Variants in ROBO2 observed in about 807,000 individuals in gnomAD.
The protein encoded by ROBO2 is roundabout homolog 2.
Under a neutral mutation model 160.8 loss-of-function variants are expected in ROBO2, and 53 were observed. That is an observed-to-expected ratio of 0.33 (90% CI 0.26 to 0.41). The LOEUF (loss-of-function observed/expected upper bound fraction) is 0.41. Among genes scored for constraint, ROBO2 ranks in the 10% least tolerant of loss-of-function variants. The pLI is 1.00. For synonymous variants in ROBO2, 664 were observed against 611.7 expected, an observed-to-expected ratio of 1.09 and a Z score of -1.26; for missense variants, 1,577 against 1,722.4, an observed-to-expected ratio of 0.92 and a Z score of 1.49.
intron 24 of ROBO2, among the ~76,000 whole-genome samples, chr3:77,641,426 G>A (rs1360400587): frequency 6.6e-6 from 1 of 152,156 alleles, no homozygotes; most frequent in African/African-American, 2.4e-5. Flanking sequence ...GAGCGGCTTA[G>A]CTGACTGTTA....
At chr3:76,737,149 G>GT (rs1209160237) in intron 2 of ROBO2, among the ~76,000 whole-genome samples, 2 of 151,912 alleles carry the variant, frequency 1.3e-5, no homozygotes, top group African/African-American at 2.4e-5. Context: ...CTAATATAGT[G>GT]TTTTTTTCTC....
chr3:76,237,528 A>G (rs1287870578), intron 2 of ROBO2, among the ~76,000 whole-genome samples: 1 of 152,206 alleles, frequency 6.6e-6, no homozygotes, highest in Non-Finnish European at 1.5e-5. Context: ...CATCCTTTGT[A>G]TCATTGAGAC....
At position 76,219,233 on chromosome 3, in the gene ROBO2, A is replaced by C. The variant is rs186466408; in HGVS notation, c.109+281631A>C. On this transcript the variant is annotated intron_variant, in intron 2 of 26. Transcript: ENST00000487694. Reference sequence around the variant, plus strand: ...AAACCATAAAAACCCTAGAAGAAAAACTAGGCAATACCATTCAGGACATAG... The same window carrying C: ...AAACCATAAAAACCCTAGAAGAAAACCTAGGCAATACCATTCAGGACATAG... Among the ~76,000 whole-genome samples the C allele has an allele frequency of 5.4e-3, 824 of 152,184 alleles. 6 individuals are homozygous for C. The highest frequency in any genetic ancestry group is 0.018 in the African/African-American group (750 of 41,538).
chr3:77,166,121 G>C (rs1217069683), intron 2 of ROBO2, among the ~76,000 whole-genome samples: 2 of 152,058 alleles, frequency 1.3e-5, no homozygotes, highest in African/African-American at 4.8e-5. Context: ...AGCCAGATGT[G>C]GTGGCATGTG....
intron 2 of ROBO2, among the ~76,000 whole-genome samples, chr3:76,714,558 A>G (rs568096534): frequency 1.3e-5 from 2 of 152,152 alleles, no homozygotes; most frequent in Admixed American, 6.5e-5. Context: ...ATATCCAGCT[A>G]TGCTTCCCTT....
chr3:76,024,738 T>G (rs1389468643), intron 2 of ROBO2, among the ~76,000 whole-genome samples: 6 of 151,644 alleles, frequency 4.0e-5, no homozygotes, highest in Admixed American at 3.3e-4. Flanking sequence ...GCATAAAATT[T>G]TGATAGCTCG....
intron 2 of ROBO2, among the ~76,000 whole-genome samples, chr3:77,342,227 C>G (rs576968541): frequency 1.3e-5 from 2 of 152,022 alleles, no homozygotes; most frequent in Non-Finnish European, 2.9e-5. Flanking sequence ...CAGCTGGATG[C>G]TTTATTAGGT....
At chr3:76,195,254 A>C (rs1328768767) in intron 2 of ROBO2, among the ~76,000 whole-genome samples, 1 of 152,178 alleles carries the variant, frequency 6.6e-6, no homozygotes, top group Non-Finnish European at 1.5e-5. Context: ...ATTACAGCTA[A>C]AGATTATTGA....
intron 2 of ROBO2, among the ~76,000 whole-genome samples, chr3:76,206,502 T>G (rs75622807): frequency 0.04 from 5,986 of 151,016 alleles, 387 homozygotes; most frequent in East Asian, 0.21. Context: ...AACGTGCATA[T>G]AGACACTCAC....
intron 2 of ROBO2, among the ~76,000 whole-genome samples, chr3:76,985,575 GAAAAAAAAAA>G (rs532632866): frequency 5.7e-3 from 150 of 26,376 alleles, no homozygotes; most frequent in African/African-American, 8.0e-3. Flanking sequence ...GACTCCGTCT[GAAAAAAAAAA>G]AAAAAAAAAA....
At chr3:75,974,446 C>T (rs546103493) in intron 2 of ROBO2, among the ~76,000 whole-genome samples, 2 of 151,600 alleles carry the variant, frequency 1.3e-5, no homozygotes, top group East Asian at 2.0e-4. Context: ...TTTGAACAGT[C>T]GAGAGTAGCT....
chr3:77,103,045 G>A (rs191681463), intron 2 of ROBO2, among the ~76,000 whole-genome samples: 1 of 152,276 alleles, frequency 6.6e-6, no homozygotes, highest in Admixed American at 6.5e-5. Flanking sequence ...TGTAGCTGGT[G>A]CAGATAAAGT....
At chr3:77,215,011 C>A (rs1438168986) in intron 2 of ROBO2, among the ~76,000 whole-genome samples, 1 of 152,146 alleles carries the variant, frequency 6.6e-6, no homozygotes. Flanking sequence ...CTGCCCTTAA[C>A]ATTTTTTCCT....
At chr3:76,398,420 A>G (rs974136108) in intron 2 of ROBO2, among the ~76,000 whole-genome samples, 3 of 152,000 alleles carry the variant, frequency 2.0e-5, no homozygotes, top group Non-Finnish European at 4.4e-5. Flanking sequence ...GCACATGTAT[A>G]CATATGTAAC....
At chr3:77,529,695 G>T (rs9838225) in intron 6 of ROBO2, among the ~76,000 whole-genome samples, 2,292 of 151,954 alleles carry the variant, frequency 0.015, 36 homozygotes, top group African/African-American at 0.042. Flanking sequence ...CGTTTGAAAT[G>T]ATTTCTTAAA....
At chr3:76,081,490 A>C (rs1414118157) in intron 2 of ROBO2, among the ~76,000 whole-genome samples, 2 of 152,170 alleles carry the variant, frequency 1.3e-5, no homozygotes, top group Non-Finnish European at 2.9e-5. Flanking sequence ...AAAATAATAA[A>C]TAACTTGTTT....
rs1419249225 is a variant in ROBO2 at position 77,563,152 on chromosome 3, G to A, written c.1520-15G>A. 6.2e-7 allele frequency: 1 copy of A among 1,612,354 alleles called. No individual in the cohort carries two copies. The highest frequency in any genetic ancestry group is 1.7e-5 in the Admixed American group (1 of 59,892). On this transcript the variant is annotated splice_polypyrimidine_tract_variant and intron_variant, in intron 10 of 25. Transcript: ENST00000461745. ...TGCAATCAGGAATGAAGTTTTTTCT[G>A]TCTGTCCTCTATAGAGTCTGGAGCA...
chr3:76,017,102 A>T (rs919067508), intron 2 of ROBO2, among the ~76,000 whole-genome samples: 1 of 152,154 alleles, frequency 6.6e-6, no homozygotes, highest in Non-Finnish European at 1.5e-5. Context: ...TCTGGTTTTC[A>T]TCTTCCTTCT....
chr3:77,439,072 A>G (rs1202758189), intron 2 of ROBO2, among the ~76,000 whole-genome samples: 1 of 151,998 alleles, frequency 6.6e-6, no homozygotes, highest in Non-Finnish European at 1.5e-5. Context: ...GACAATATAT[A>G]TTGTCCTTTT....
Sources: allele counts gnomAD v4.1 joint callset (sites outside exome capture counted in the v4.1 genomes callset), GRCh38; gene constraint gnomAD v4.1.1; transcripts MANE v1.5; gene names NCBI Gene and HGNC (gene_info 2026-07-23, HGNC 2026-07-21).